The following SUMF1 variants were observed in gnomAD, a reference collection of about 807,000 sequenced individuals.
SUMF1 encodes the protein sulfatase modifying factor 1, also known as formylglycine-generating enzyme.
Under a neutral mutation model 47.6 loss-of-function variants are expected in SUMF1, and 48 were observed. That is an observed-to-expected ratio of 1.01 (90% CI 0.80 to 1.28). SUMF1 has a LOEUF of 1.28. Ranked by LOEUF, SUMF1 falls within the 50% of genes most tolerant of loss-of-function variation. The pLI is 0.00. For synonymous variants in SUMF1, 230 were observed against 192.1 expected, an observed-to-expected ratio of 1.20 and a Z score of -1.63; for missense variants, 571 against 485.4, an observed-to-expected ratio of 1.18 and a Z score of -1.66.
chr3:4,075,048 G>A (rs1692389747), intron 8 of SUMF1, among the ~76,000 whole-genome samples: 1 of 151,988 alleles, frequency 6.6e-6, no homozygotes, highest in South Asian at 2.1e-4. Flanking sequence ...CAAAAAAAAG[G>A]GAATTTTAGG....
At position 4,321,200 on chromosome 3, in the gene SUMF1, G is replaced by T. The variant is rs183739174; in HGVS notation, c.1014+55130C>A. On this transcript the variant is annotated intron_variant and NMD_transcript_variant, in intron 8 of 12. Transcript: ENST00000448413. ...ATTTAGCTTAGTATAGATACAGAAG[G>T]TTACATATAGAAATATTTCTAGATT... Among the ~76,000 whole-genome samples, 185 of 152,066 alleles carry T rather than the reference G, an allele frequency of 1.2e-3. 1 individual carries two copies. Among genetic ancestry groups the T allele is most frequent in the Non-Finnish European group, 2.0e-3 (137 of 67,982 alleles).
At chr3:4,070,932 C>T (rs1320427970) in intron 8 of SUMF1, among the ~76,000 whole-genome samples, 2 of 152,026 alleles carry the variant, frequency 1.3e-5, no homozygotes, top group African/African-American at 4.8e-5. Context: ...TGCCTGGCCT[C>T]CTTTCAGTAC....
intron 8 of SUMF1, among the ~76,000 whole-genome samples, chr3:4,079,658 AAAT>A (rs961201541): frequency 4.6e-5 from 7 of 150,908 alleles, no homozygotes; most frequent in African/African-American, 1.7e-4. Flanking sequence ...TAATTTAGTG[AAAT>A]AATATATGGA....
intron 8 of SUMF1, among the ~76,000 whole-genome samples, chr3:4,081,487 T>A (rs1692558778): frequency 6.6e-6 from 1 of 152,116 alleles, no homozygotes; most frequent in Non-Finnish European, 1.5e-5. Flanking sequence ...CTAACTTCTT[T>A]TAGATGTTGC....
At chr3:4,280,428 A>C (rs997998488) in intron 8 of SUMF1, among the ~76,000 whole-genome samples, 3 of 152,134 alleles carry the variant, frequency 2.0e-5, no homozygotes, top group African/African-American at 7.2e-5. Flanking sequence ...CTCACGGTCT[A>C]GAGGTACTGA....
intron 8 of SUMF1, among the ~76,000 whole-genome samples, chr3:4,103,151 GA>G (rs1369159577): frequency 6.6e-6 from 1 of 151,410 alleles, no homozygotes; most frequent in African/African-American, 2.4e-5. Context: ...TCGAACTCCT[GA>G]CCTCAAGTGA....
chr3:4,367,011 G>T (rs1336837370), intron 8 of SUMF1, among the ~76,000 whole-genome samples: 1 of 152,178 alleles, frequency 6.6e-6, no homozygotes, highest in Non-Finnish European at 1.5e-5. Flanking sequence ...GGGTGTCAGC[G>T]GCGGTGGCTG....
chr3:4,337,848 C>T (rs1044426975), intron 8 of SUMF1, among the ~76,000 whole-genome samples: 1 of 146,652 alleles, frequency 6.8e-6, no homozygotes, highest in African/African-American at 2.6e-5. Flanking sequence ...GTATCTCCTA[C>T]CCAACTCTTG....
intron 8 of SUMF1, among the ~76,000 whole-genome samples, chr3:4,306,144 G>A (rs895846722): frequency 3.3e-5 from 5 of 152,056 alleles, no homozygotes; most frequent in Non-Finnish European, 5.9e-5. Flanking sequence ...CCTGCCGTGC[G>A]TGTGTGTGTG....
chr3:4,381,927 T>C (rs1391695980), intron 7 of SUMF1, among the ~76,000 whole-genome samples: 2 of 152,074 alleles, frequency 1.3e-5, no homozygotes, highest in Non-Finnish European at 2.9e-5. Context: ...ACGCCTGTAG[T>C]CTCAGCTACT....
intron 7 of SUMF1, among the ~76,000 whole-genome samples, chr3:4,379,840 C>CAAAAAAA (rs58264459): frequency 1.3e-4 from 10 of 76,886 alleles, no homozygotes; most frequent in South Asian, 4.9e-4. Context: ...GCCTCCATCT[C>CAAAAAAA]AAAAAAAAAA....
intron 7 of SUMF1, among the ~76,000 whole-genome samples, chr3:4,393,491 C>T (rs957240928): frequency 3.3e-5 from 5 of 152,054 alleles, no homozygotes; most frequent in African/African-American, 1.2e-4. Flanking sequence ...TGCCACCACA[C>T]TCGCCTAATA....
intron 8 of SUMF1, among the ~76,000 whole-genome samples, chr3:4,102,765 C>A (rs575201796): frequency 6.6e-6 from 1 of 151,446 alleles, no homozygotes; most frequent in South Asian, 2.1e-4. Flanking sequence ...TTGATAGGTG[C>A]TTGATAAATT....
chr3:4,190,259 C>T (rs1016552993), intron 8 of SUMF1, among the ~76,000 whole-genome samples: 4 of 150,606 alleles, frequency 2.7e-5, no homozygotes, highest in Admixed American at 6.6e-5. Flanking sequence ...TCATTTAGCT[C>T]GTGAAAACTA....
At chr3:4,335,631 C>T (rs977226713) in intron 8 of SUMF1, among the ~76,000 whole-genome samples, 1 of 152,010 alleles carries the variant, frequency 6.6e-6, no homozygotes, top group Non-Finnish European at 1.5e-5. Context: ...CAAATCATCC[C>T]AATAGTCATA....
intron 8 of SUMF1, among the ~76,000 whole-genome samples, chr3:4,228,372 T>C (rs1696219641): frequency 6.6e-6 from 1 of 151,722 alleles, no homozygotes; most frequent in Non-Finnish European, 1.5e-5. Context: ...GGGCCCCAAT[T>C]CCCCTCATCC....
At chr3:4,284,735 A>G (rs1373167709) in intron 8 of SUMF1, among the ~76,000 whole-genome samples, 1 of 152,156 alleles carries the variant, frequency 6.6e-6, no homozygotes, top group Non-Finnish European at 1.5e-5. Flanking sequence ...GAAAAAAAAA[A>G]TAGTACCATA....
intron 8 of SUMF1, among the ~76,000 whole-genome samples, chr3:4,277,902 CAT>C (rs1697451431): frequency 6.6e-6 from 1 of 152,042 alleles, no homozygotes; most frequent in Non-Finnish European, 1.5e-5. Flanking sequence ...GTAATCTAAT[CAT>C]CACTATCATT....
chr3:4,343,866 T>G (rs566218157), intron 8 of SUMF1, among the ~76,000 whole-genome samples: 4 of 152,312 alleles, frequency 2.6e-5, no homozygotes, highest in African/African-American at 9.6e-5. Flanking sequence ...AATAGGTTTA[T>G]TGGAAAAAAT....
Sources: allele counts gnomAD v4.1 joint callset (sites outside exome capture counted in the v4.1 genomes callset), GRCh38; gene constraint gnomAD v4.1.1; transcripts MANE v1.5; gene names NCBI Gene and HGNC (gene_info 2026-07-23, HGNC 2026-07-21).